Variants in LURAP1L observed in about 807,000 individuals in gnomAD.
LURAP1L encodes the protein leucine rich adaptor protein 1-like.
LURAP1L carries 12 observed loss-of-function variants against 13.8 expected under a neutral mutation model. The observed-to-expected ratio is 0.87, with a 90% CI of 0.56 to 1.41. The LOEUF is 1.41. Among genes scored for constraint, LURAP1L ranks in the 40% most tolerant of loss-of-function variants. The pLI is 0.00. For missense variants in LURAP1L, 375 were observed against 292.9 expected, an observed-to-expected ratio of 1.28 and a Z score of -2.04; for synonymous variants, 139 against 119.2, an observed-to-expected ratio of 1.17 and a Z score of -1.08.
intron 1 of LURAP1L, among the ~76,000 whole-genome samples, chr9:12,808,450 T>A (rs895916027): frequency 2.6e-5 from 4 of 152,078 alleles, no homozygotes; most frequent in African/African-American, 7.2e-5. Context: ...CCCCCAGAAC[T>A]TTTTTATTTT....
intron 1 of LURAP1L, 127 bp from the exon 2 acceptor site, chr9:12,821,259 C>A: frequency 8.9e-7 from 1 of 1,118,778 alleles, no homozygotes; most frequent in South Asian, 1.6e-5. Flanking sequence ...TTCCTGACAA[C>A]CAGTCCACTT....
intron 1 of LURAP1L, among the ~76,000 whole-genome samples, chr9:12,814,095 ATG>A (rs1220138580): frequency 6.6e-6 from 1 of 152,102 alleles, no homozygotes; most frequent in African/African-American, 2.4e-5. Context: ...ATATGCATGC[ATG>A]TGTGTGTGTG....
chr9:12,821,923 A>G lies in LURAP1L; in HGVS notation c.*163A>G. The G allele has an allele frequency of 5.8e-6, 4 of 686,218 alleles. No individual in the cohort carries two copies. Among genetic ancestry groups the G allele is most frequent in the Non-Finnish European group, 9.3e-6 (4 of 428,602 alleles). 42.5% of individuals were successfully genotyped at this position (686,218 alleles called of 1,614,324 possible). On this transcript the variant is annotated 3_prime_UTR_variant, in exon 2 of 2. Transcript: ENST00000319264. Reference sequence around the variant, plus strand: ...ATTGCTGTTGCTCCTAATACTTCTCATCTGAGCTGATTTATTTTTCTCTGT... The same window carrying G: ...ATTGCTGTTGCTCCTAATACTTCTCGTCTGAGCTGATTTATTTTTCTCTGT...
chr9:12,799,200 A>G (rs1418704435), intron 1 of LURAP1L, among the ~76,000 whole-genome samples: 3 of 152,202 alleles, frequency 2.0e-5, no homozygotes, highest in Admixed American at 6.5e-5. Flanking sequence ...TTGTGTCCAC[A>G]TATGTATCAT....
intron 1 of LURAP1L, among the ~76,000 whole-genome samples, chr9:12,784,259 T>C (rs1163573951): frequency 1.3e-5 from 2 of 152,174 alleles, no homozygotes; most frequent in Non-Finnish European, 2.9e-5. Flanking sequence ...CTTTTGAGTG[T>C]TCATCAATGT....
In LURAP1L at chr9:12,788,187, G is replaced by GAAAGAAAGAAAGAAAGAAAGA. The variant is rs374048758; in HGVS notation, c.312+12167_312+12168insGAAAGAAAGAAAGAAAAGAAA. On this transcript the variant is annotated intron_variant, in intron 1 of 1. Transcript: ENST00000319264. Reference sequence around the variant, plus strand: ...AGAAAGAAAGAAAGAAAGAAAGAAAGAAAGAAAAGAAAAGAAAAGAAAAGC... The same window carrying GAAAGAAAGAAAGAAAGAAAGA: ...AGAAAGAAAGAAAGAAAGAAAGAAAGAAAGAAAGAAAGAAAGAAAGAAAAGAAAAGAAAAGAAAAGAAAAGC... 3.4e-3 allele frequency among the ~76,000 whole-genome samples: 468 copies of GAAAGAAAGAAAGAAAGAAAGA among 136,592 alleles called. 2 individuals carry two copies. Among genetic ancestry groups the GAAAGAAAGAAAGAAAGAAAGA allele is most frequent in the African/African-American group, 0.012 (434 of 37,338 alleles). 89.6% of individuals were successfully genotyped at this position (136,592 alleles called of 152,430 possible). A position where few individuals can be genotyped will look rare whatever the true frequency, so the allele number is the denominator to read the frequency against.
chr9:12,819,159 G>A (rs772736400), intron 1 of LURAP1L, among the ~76,000 whole-genome samples: 1 of 152,092 alleles, frequency 6.6e-6, no homozygotes, highest in Non-Finnish European at 1.5e-5. Flanking sequence ...ACATCCTTCT[G>A]TTCATGAACG....
chr9:12,779,122 T>G (rs1388664484), intron 1 of LURAP1L, among the ~76,000 whole-genome samples: 1 of 152,170 alleles, frequency 6.6e-6, no homozygotes, highest in African/African-American at 2.4e-5. Context: ...ATTTTCAGAC[T>G]GCAGTTGACT....
intron 1 of LURAP1L, among the ~76,000 whole-genome samples, chr9:12,777,889 T>C (rs563113921): frequency 6.1e-4 from 93 of 152,220 alleles, no homozygotes; most frequent in Non-Finnish European, 1.1e-3. Context: ...CCTTCTATTG[T>C]AGTGATGAAT....
intron 1 of LURAP1L, among the ~76,000 whole-genome samples, chr9:12,781,823 G>C (rs936662412): frequency 1.3e-5 from 2 of 152,078 alleles, no homozygotes; most frequent in Non-Finnish European, 2.9e-5. Context: ...ATTTTTTTAA[G>C]GAATCTCGAA....
chr9:12,821,930 C>T lies in LURAP1L; in HGVS notation c.*170C>T. On this transcript the variant is annotated 3_prime_UTR_variant, in exon 2 of 2. Transcript: ENST00000319264. ...TTGCTCCTAATACTTCTCATCTGAG[C>T]TGATTTATTTTTCTCTGTTACATCT... The T allele has an allele frequency of 1.5e-6, 1 of 667,516 alleles. No homozygotes were observed. Among genetic ancestry groups the T allele is most frequent in the East Asian group, 2.8e-5 (1 of 36,354 alleles). The allele number at this position is 667,516 out of a possible 1,614,324, so 41.3% of individuals were successfully genotyped here.
intron 1 of LURAP1L, among the ~76,000 whole-genome samples, chr9:12,789,059 G>A (rs1301444403): frequency 6.7e-6 from 1 of 149,572 alleles, no homozygotes; most frequent in Admixed American, 6.7e-5. Flanking sequence ...GACAGAGTGA[G>A]AGTGAGATCC....
intron 1 of LURAP1L, among the ~76,000 whole-genome samples, chr9:12,805,913 T>C (rs1459078656): frequency 2.0e-5 from 3 of 152,148 alleles, no homozygotes; most frequent in Non-Finnish European, 4.4e-5. Flanking sequence ...AATGTGGAAC[T>C]TCCTGGCCAA....
intron 1 of LURAP1L, among the ~76,000 whole-genome samples, chr9:12,792,460 G>A (rs1402142297): frequency 6.6e-6 from 1 of 152,080 alleles, no homozygotes; most frequent in Non-Finnish European, 1.5e-5. Flanking sequence ...AAGTTATGAG[G>A]ATACAATGAT....
chr9:12,775,892 C>A lies in LURAP1L; in HGVS notation c.177C>A (p.Ser59Arg), dbSNP rs753162910. The A allele has an allele frequency of 6.4e-7, 1 of 1,561,514 alleles. No homozygotes were observed. ...GCGGCGGCGGCGGCTGCAGTAGCAG[C>A]AGCAGCTACTGCAGCTTCCCTCCCT... Reference protein sequence around the residue: ...GGGGGGGCSSSSSYCSFPPSL... With the variant: ...GGGGGGGCSSRSSYCSFPPSL... Residue 59 changes from serine (S) to arginine (R), a missense_variant, in exon 1 of 2, where the codon AGC becomes AGA. Transcript: ENST00000319264.
intron 1 of LURAP1L, among the ~76,000 whole-genome samples, chr9:12,803,528 A>G (rs1819615455): frequency 6.6e-6 from 1 of 152,238 alleles, no homozygotes; most frequent in South Asian, 2.1e-4. Flanking sequence ...TCTGTTTTAA[A>G]TATCTTTTTA....
Position 12,793,561 on chromosome 9 carries a change from A to G in LURAP1L, c.312+17534A>G, listed in dbSNP as rs16929555. On this transcript the variant is annotated intron_variant, in intron 1 of 1. Coordinates refer to ENST00000319264, the MANE Select transcript of LURAP1L (RefSeq NM_203403.2). ...TATACAAGTGGGATTATAAGAGACT[A>G]ATTTTGTAAAAGGTGGAACACATAT... Among the ~76,000 whole-genome samples the G allele has an allele frequency of 4.0e-3, 608 of 152,184 alleles. 3 individuals are homozygous for G. Among genetic ancestry groups the G allele is most frequent in the African/African-American group, 0.014 (584 of 41,560 alleles).
intron 1 of LURAP1L, among the ~76,000 whole-genome samples, chr9:12,784,028 T>TA (rs1242030766): frequency 6.6e-6 from 1 of 152,174 alleles, no homozygotes; most frequent in Admixed American, 6.5e-5. Context: ...GCTTGATTTT[T>TA]AAAAATTATT....
intron 1 of LURAP1L, among the ~76,000 whole-genome samples, chr9:12,788,106 AAAAG>A (rs1313624731): frequency 4.0e-5 from 6 of 149,130 alleles, no homozygotes; most frequent in Admixed American, 2.7e-4. Context: ...AGCGAAACAA[AAAAG>A]AAAGAAAGAA....
Sources: allele counts gnomAD v4.1 joint callset (sites outside exome capture counted in the v4.1 genomes callset), GRCh38; gene constraint gnomAD v4.1.1; transcripts MANE v1.5; gene names NCBI Gene and HGNC (gene_info 2026-07-23, HGNC 2026-07-21).